MYO15B: variants seen among roughly 807,000 people sequenced by gnomAD.
MYO15B encodes myosin XVB pseudogene.
A neutral mutation model predicts 119.3 loss-of-function variants in MYO15B; 207 were observed. The observed-to-expected ratio is 1.73, with a 90% confidence interval of 1.55 to 1.95. The LOEUF (loss-of-function observed/expected upper bound fraction) is 1.95. Ranked by LOEUF, MYO15B falls within the 30% of genes most tolerant of loss-of-function variation. The pLI is 0.00. For missense variants in MYO15B, 2,264 were observed against 1,203.1 expected, an observed-to-expected ratio of 1.88 and a Z score of -13.04; for synonymous variants, 966 against 498.9, an observed-to-expected ratio of 1.94 and a Z score of -12.48.
At position 75,591,975 on chromosome 17, in the gene MYO15B, A is replaced by G. The variant is rs539107554; in HGVS notation, c.2548-2A>G. The G allele has an allele frequency of 1.4e-6, 1 of 702,364 alleles. No homozygotes were observed. The highest frequency in any genetic ancestry group is 1.5e-5 in the South Asian group (1 of 67,572). 43.5% of individuals were successfully genotyped at this position (702,364 alleles called of 1,614,324 possible). On this transcript the variant is annotated splice_acceptor_variant, in intron 5 of 63. Coordinates refer to ENST00000645453, the Ensembl canonical transcript of MYO15B. LOFTEE classifies it high-confidence loss of function. ...GATGCTTGAACACCCCTCCCTGTAC[A>G]GGTGGAGGATATGCTGCCTATACTC...
intron 14 of MYO15B, among the ~76,000 whole-genome samples, chr17:75,597,834 T>C (rs140778901): frequency 0.014 from 2,197 of 152,258 alleles, 49 homozygotes; most frequent in African/African-American, 0.05. Context: ...ATGGATTGCT[T>C]GAGCCCAGGA....
chr17:75,617,579 G>GACACATCCCCGACA, intron 41 of MYO15B: 1 of 572,680 alleles, frequency 1.7e-6, no homozygotes, highest in Non-Finnish European at 3.1e-6. Flanking sequence ...GGAAGTTAGT[G>GACACATCCCCGACA]GCCCTGGCTG....
intron 19 of MYO15B, among the ~76,000 whole-genome samples, chr17:75,605,123 A>G (rs1627555): frequency 0.18 from 26,208 of 147,300 alleles, 3,720 homozygotes; most frequent in African/African-American, 0.4. Context: ...GACAATGAGA[A>G]TGAAACTCTG....
intron 29 of MYO15B, 39 bp from the exon 30 acceptor site, chr17:75,614,160 A>G: frequency 1.5e-6 from 1 of 687,366 alleles, no homozygotes; most frequent in Non-Finnish European, 2.7e-6. Context: ...CCCCTTCTGG[A>G]TGGCCGCCTG....
chr17:75,601,600 G>A (rs1359810323), intron 15 of MYO15B, 37 bp downstream of exon 15: 12 of 696,062 alleles, frequency 1.7e-5, no homozygotes, highest in Admixed American at 6.0e-5. Flanking sequence ...GTGAATCAGC[G>A]AGGGCAGTGT....
chr17:75,606,360 G>C (rs1188486097), intron 21 of MYO15B, among the ~76,000 whole-genome samples: 2 of 151,946 alleles, frequency 1.3e-5, no homozygotes, highest in African/African-American at 4.8e-5. Flanking sequence ...TGTTACCCAG[G>C]CTGGAGTGCA....
At position 75,624,222 on chromosome 17, in the gene MYO15B, GGGGGGCGCCGGCGGATGCCCCCACC is replaced by G. The variant is rs1212628168; in HGVS notation, c.8324_8348del (p.Gly2775ValfsTer3). The G allele has an allele frequency of 1.4e-6, 1 of 702,972 alleles. No individual in the cohort carries two copies. The highest frequency in any genetic ancestry group is 2.0e-5 in the Admixed American group (1 of 50,012). 43.5% of individuals were successfully genotyped at this position (702,972 alleles called of 1,614,324 possible). A position where few individuals can be genotyped will look rare whatever the true frequency, so the allele number is the denominator to read the frequency against. ...GCACCTCCAGCGCACAGTCAAATAT[GGGGGGCGCCGGCGGATGCCCCCACC>G]GGGTGAAATGAAGGCTTTCCTGGTA... is the stretch of plus-strand genomic sequence containing the variant. On this transcript the variant is annotated frameshift_variant, in exon 56 of 64. Transcript: ENST00000645453. LOFTEE classifies it high-confidence loss of function.
At chr17:75,602,832 G>T (rs764433550) in exon 17 of MYO15B, 12 of 624,300 alleles carry the variant, frequency 1.9e-5, no homozygotes, top group Non-Finnish European at 3.4e-5. Context: ...CCCCACAGCT[G>T]GTGGGCAGCC....
At chr17:75,596,604 A>G (rs1440710840) in intron 13 of MYO15B, 49 bp downstream of exon 13, 1 of 699,426 alleles carries the variant, frequency 1.4e-6, no homozygotes, top group Non-Finnish European at 2.6e-6. Context: ...GGCATTGCCC[A>G]GGCAGAGGCC....
intron 14 of MYO15B, 127 bp downstream of exon 14, chr17:75,597,026 G>A: frequency 1.7e-6 from 1 of 593,174 alleles, no homozygotes; most frequent in Non-Finnish European, 3.0e-6. Flanking sequence ...CCTGATCACA[G>A]TTCCTCAGCA....
In MYO15B at chr17:75,613,792, G is replaced by T. The variant is rs1398613521; in HGVS notation, c.5219+15G>T. 2.9e-6 allele frequency: 2 copies of T among 698,270 alleles called. No individual in the cohort carries two copies. Among genetic ancestry groups the T allele is most frequent in the Non-Finnish European group, 5.2e-6 (2 of 382,696 alleles). The allele number at this position is 698,270 out of a possible 1,614,324, so 43.3% of individuals were successfully genotyped here. A position where few individuals can be genotyped will look rare whatever the true frequency, so the allele number is the denominator to read the frequency against. Reference sequence around the variant, plus strand: ...CTGCAGAGCAGGTATGGGGACCGGGGATGGGGGACAGTGTGGCCAAAGTGA... The same window carrying T: ...CTGCAGAGCAGGTATGGGGACCGGGTATGGGGGACAGTGTGGCCAAAGTGA... On this transcript the variant is annotated intron_variant, in intron 29 of 63. Coordinates refer to ENST00000645453, the Ensembl canonical transcript of MYO15B.
chr17:75,598,088 G>A (rs1036523880), intron 14 of MYO15B, among the ~76,000 whole-genome samples: 11 of 151,928 alleles, frequency 7.2e-5, no homozygotes, highest in African/African-American at 7.2e-5. Flanking sequence ...TCAATATAAC[G>A]TGATCCTGAA....
chr17:75,592,889 A>G (rs2056570445), intron 9 of MYO15B, 49 bp downstream of exon 9: 2 of 684,130 alleles, frequency 2.9e-6, no homozygotes, highest in Non-Finnish European at 5.4e-6. Context: ...GGTCTGTAGA[A>G]TCAGGGCAGT....
At chr17:75,614,636 G>A (rs962920301) in exon 31 of MYO15B, 2 of 700,772 alleles carry the variant, frequency 2.9e-6, no homozygotes, top group Admixed American at 2.0e-5. Context: ...CTGCCCCCAG[G>A]ACCCCCTCCA....
intron 33 of MYO15B, 83 bp from the exon 34 acceptor site, chr17:75,615,157 G>A: frequency 8.8e-6 from 6 of 679,504 alleles, no homozygotes; most frequent in East Asian, 2.7e-5. Context: ...CCCGGTGCCC[G>A]ATGCTCTTCT....
intron 25 of MYO15B, 32 bp from the exon 26 acceptor site, chr17:75,612,766 G>A (rs138148148): frequency 0.018 from 12,322 of 702,760 alleles, 162 homozygotes; most frequent in Non-Finnish European, 0.023. Context: ...GATAGCTGGT[G>A]AGCATGGACT....
At chr17:75,590,153 G>A in exon 1 of MYO15B, 2 of 399,044 alleles carry the variant, frequency 5.0e-6, no homozygotes, top group Non-Finnish European at 8.8e-6. Flanking sequence ...CTGAGCCTCC[G>A]GCCGGGCCTG....
At chr17:75,599,895 A>AAATAAT (rs139880034) in intron 14 of MYO15B, among the ~76,000 whole-genome samples, 11 of 145,548 alleles carry the variant, frequency 7.6e-5, no homozygotes, top group Admixed American at 4.1e-4. Flanking sequence ...ACTCGTCTCA[A>AAATAAT]AATAATAATA....
intron 43 of MYO15B, among the ~76,000 whole-genome samples, chr17:75,618,557 GA>G (rs1339488487): frequency 1.3e-5 from 2 of 152,228 alleles, no homozygotes; most frequent in Non-Finnish European, 2.9e-5. Flanking sequence ...GCTGAGGCAG[GA>G]GAATTGCTTG....
Sources: allele counts gnomAD v4.1 joint callset (sites outside exome capture counted in the v4.1 genomes callset), GRCh38; gene constraint gnomAD v4.1.1; transcripts MANE v1.5; gene names NCBI Gene and HGNC (gene_info 2026-07-23, HGNC 2026-07-21).